Variants in CRTC1 observed in about 807,000 individuals in gnomAD.
CRTC1 encodes CREB-regulated transcription coactivator 1.
A neutral mutation model predicts 66.1 loss-of-function variants in CRTC1; 18 were observed. That is an observed-to-expected ratio of 0.27 (90% CI 0.19 to 0.40). The LOEUF is 0.40. Ranked by LOEUF, CRTC1 falls within the 10% of genes least tolerant of loss-of-function variation. The pLI is 1.00. For missense variants in CRTC1, 669 were observed against 887.9 expected, an observed-to-expected ratio of 0.75 and a Z score of 3.13; for synonymous variants, 416 against 398.8, an observed-to-expected ratio of 1.04 and a Z score of -0.51.
chr19:18,736,543 A>G (rs1435532924), intron 1 of CRTC1, among the ~76,000 whole-genome samples: 1 of 151,842 alleles, frequency 6.6e-6, no homozygotes, highest in Non-Finnish European at 1.5e-5. Context: ...CCCTTGGAGG[A>G]GGCTCAGTGC....
chr19:18,770,868 G>A (rs1056317217), intron 10 of CRTC1, among the ~76,000 whole-genome samples: 14 of 151,208 alleles, frequency 9.3e-5, no homozygotes, highest in Middle Eastern at 3.4e-3. Flanking sequence ...GTGTGCATGC[G>A]TGGGTGTGTA....
intron 1 of CRTC1, among the ~76,000 whole-genome samples, chr19:18,721,492 C>CTTTTTT (rs56049346): frequency 8.2e-6 from 1 of 122,104 alleles, no homozygotes; most frequent in Non-Finnish European, 1.6e-5. Flanking sequence ...CACACCCGGC[C>CTTTTTT]TTTTTTTTTT....
intron 1 of CRTC1, among the ~76,000 whole-genome samples, chr19:18,693,074 C>CAAAAAA (rs71168762): frequency 2.9e-5 from 2 of 69,336 alleles, no homozygotes; most frequent in African/African-American, 1.2e-4. Flanking sequence ...GACTCCGTCT[C>CAAAAAA]AAAAAAAAAA....
Position 18,747,126 on chromosome 19 carries a change from G to GA in CRTC1, c.443+13dup. 1 of 1,559,498 alleles carries GA rather than the reference G, an allele frequency of 6.4e-7. No homozygotes were observed. The highest frequency in any genetic ancestry group is 8.7e-7 in the Non-Finnish European group (1 of 1,145,692). On this transcript the variant is annotated intron_variant, in intron 4 of 13. Coordinates refer to ENST00000321949, the MANE Select transcript of CRTC1 (RefSeq NM_015321.3). ...ACCAGCTGGAGAAGGTCAGTGGCTG[G>GA]ACACCCCCCCCCCGCCCCCTTCTTG...
Position 18,683,681 on chromosome 19 carries a change from AG to A in CRTC1, c.-20del. ...GAGGAGGTGGAGGAGGAGGAGGAGG[AG>A]GAGGAGGTGGCGGCGAGAAGATGGC... On this transcript the variant is annotated 5_prime_UTR_variant, in exon 1 of 14. Coordinates refer to ENST00000321949, the MANE Select transcript of CRTC1 (RefSeq NM_015321.3). 7.3e-7 allele frequency: 1 copy of A among 1,372,010 alleles called. No individual in the cohort carries two copies. Among genetic ancestry groups the A allele is most frequent in the Non-Finnish European group, 9.7e-7 (1 of 1,036,252 alleles). 85.0% of individuals were successfully genotyped at this position (1,372,010 alleles called of 1,614,324 possible). A position where few individuals can be genotyped will look rare whatever the true frequency, so the allele number is the denominator to read the frequency against.
intron 1 of CRTC1, among the ~76,000 whole-genome samples, chr19:18,735,073 G>A (rs569485484): frequency 2.0e-5 from 3 of 152,356 alleles, no homozygotes; most frequent in Non-Finnish European, 4.4e-5. Context: ...AGCAAAATGC[G>A]TGAGATCTGG....
chr19:18,687,011 CTTTT>C (rs35032428), intron 1 of CRTC1, among the ~76,000 whole-genome samples: 5 of 103,434 alleles, frequency 4.8e-5, no homozygotes, highest in African/African-American at 1.5e-4. Flanking sequence ...GACTGAGAAA[CTTTT>C]TTTTTTTTTT....
chr19:18,715,630 C>T (rs772433497), intron 1 of CRTC1, among the ~76,000 whole-genome samples: 3 of 152,260 alleles, frequency 2.0e-5, no homozygotes, highest in Non-Finnish European at 4.4e-5. Context: ...CCTCAGCCAC[C>T]TGTGGCCCCG....
At position 18,768,739 on chromosome 19, in the gene CRTC1, C is replaced by G. The variant is rs1028970494; in HGVS notation, c.1266C>G (p.Pro422=). ...CAGTCACGGTACCGTCCTCTCTCCC[C>G]CAGTCCCCCCCAGAGAACCCTGGCC... ...PLAVTVPSSL[P]QSPPENPGQP... is the part of the protein sequence containing the mutation. Residue 422 remains proline (P), a synonymous_variant, in exon 10 of 14, where the codon CCC becomes CCG. Coordinates refer to ENST00000321949, the MANE Select transcript of CRTC1 (RefSeq NM_015321.3). This position sits in a 1 kb window ranked among gnomAD's most constrained non-coding sequence, Gnocchi z 5.6. 1.2e-5 allele frequency: 19 copies of G among 1,599,634 alleles called. No individual in the cohort carries two copies. Among genetic ancestry groups the G allele is most frequent in the Non-Finnish European group, 1.3e-5 (15 of 1,174,282 alleles).
At chr19:18,728,195 G>C (rs185893652) in intron 1 of CRTC1, among the ~76,000 whole-genome samples, 4 of 152,318 alleles carry the variant, frequency 2.6e-5, no homozygotes, top group Admixed American at 1.3e-4. Context: ...CCCTCCCCTG[G>C]TGTCCTGGCC....
intron 1 of CRTC1, among the ~76,000 whole-genome samples, 161 bp from the exon 2 acceptor site, chr19:18,742,749 G>A (rs942198893): frequency 2.0e-5 from 3 of 152,248 alleles, no homozygotes; most frequent in Non-Finnish European, 4.4e-5. Context: ...TTGGTGGAGG[G>A]ACACCTGGTT....
intron 1 of CRTC1, among the ~76,000 whole-genome samples, chr19:18,711,836 G>A (rs2053399641): frequency 6.6e-6 from 1 of 152,326 alleles, no homozygotes; most frequent in South Asian, 2.1e-4. Flanking sequence ...GCACTAGGGT[G>A]GTCTACTTTG....
At chr19:18,713,488 T>C (rs1312345231) in intron 1 of CRTC1, among the ~76,000 whole-genome samples, 1 of 146,250 alleles carries the variant, frequency 6.8e-6, no homozygotes, top group East Asian at 2.1e-4. Context: ...AGTAGACCAG[T>C]TTTCTAAGCT....
chr19:18,741,358 C>T lies in CRTC1; in HGVS notation c.127-1552C>T, dbSNP rs953232573. Among the ~76,000 whole-genome samples, 2 of 152,170 alleles carry T rather than the reference C, an allele frequency of 1.3e-5. No individual in the cohort carries two copies. Among genetic ancestry groups the T allele is most frequent in the African/African-American group, 4.8e-5 (2 of 41,438 alleles). On this transcript the variant is annotated intron_variant, in intron 1 of 13. Transcript: ENST00000321949. The surrounding 1 kb of genome is among the most constrained non-coding windows in gnomAD (Gnocchi z 4.2). The stretch of plus-strand genomic sequence containing the variant: ...CATGAGTACCTGCTGTGTCACACGT[C>T]GTGTGTCCCTCTCACACCCGCCTGT...
chr19:18,710,407 C>T (rs2053363856), intron 1 of CRTC1, among the ~76,000 whole-genome samples: 1 of 152,106 alleles, frequency 6.6e-6, no homozygotes, highest in African/African-American at 2.4e-5. Flanking sequence ...TTGAAAGGGA[C>T]CATCCCTCTG....
chr19:18,745,876 G>T lies in CRTC1; in HGVS notation c.297G>T (p.Gly99=). Residue 99 remains glycine, a synonymous_variant, in exon 3 of 14, where the codon GGG becomes GGT. Coordinates refer to ENST00000321949, the MANE Select transcript of CRTC1 (RefSeq NM_015321.3). ...CCAGCCGGACCACCCGGCACCATGG[G>T]CTGGTGGACAGGGTGTACCGGGAGC... ...LDTSRTTRHH[G]LVDRVYRERG... 6.2e-7 allele frequency: 1 copy of T among 1,613,720 alleles called. No homozygotes were observed. The highest frequency in any genetic ancestry group is 1.7e-4 in the Middle Eastern group (1 of 6,060).
At chr19:18,753,950 A>T (rs1395806894) in intron 6 of CRTC1, among the ~76,000 whole-genome samples, 1 of 151,978 alleles carries the variant, frequency 6.6e-6, no homozygotes, top group Non-Finnish European at 1.5e-5. Context: ...AAATACAAAA[A>T]ATTAGCTGGG....
chr19:18,744,461 A>G (rs1228331243), intron 2 of CRTC1, among the ~76,000 whole-genome samples: 1 of 151,906 alleles, frequency 6.6e-6, no homozygotes, highest in Non-Finnish European at 1.5e-5. Context: ...CCAAAGCTGC[A>G]TGGTCCGTCC....
At chr19:18,755,077 G>A (rs1336618036) in intron 6 of CRTC1, among the ~76,000 whole-genome samples, 2 of 151,314 alleles carry the variant, frequency 1.3e-5, no homozygotes, top group Non-Finnish European at 2.9e-5. Context: ...TCTGCCTCCC[G>A]GGTTCAAGCG....
Sources: allele counts gnomAD v4.1 joint callset (sites outside exome capture counted in the v4.1 genomes callset), GRCh38; gene constraint gnomAD v4.1.1; non-coding constraint Gnocchi (gnomAD v3.1); transcripts MANE v1.5; gene names NCBI Gene and HGNC (gene_info 2026-07-23, HGNC 2026-07-21).